Variants in CAMTA1 observed in about 807,000 individuals in gnomAD.
CAMTA1 encodes the protein calmodulin-binding transcription activator 1.
In CAMTA1, 27 loss-of-function variants were observed where a neutral mutation model predicts 170.9. The ratio of observed to expected loss-of-function variants is 0.16; its 90% CI spans 0.12 to 0.22. CAMTA1 has a LOEUF of 0.22. CAMTA1 is among the 10% of genes least tolerant of loss of function. The pLI, the probability that CAMTA1 is intolerant of heterozygous loss-of-function variation, is 1.00. For missense variants in CAMTA1, 1,619 were observed against 2,217.2 expected (o/e 0.73, Z 5.42); for synonymous variants, 833 against 891.5 (o/e 0.93, Z 1.17).
In CAMTA1 at chr1:7,592,735, C is replaced by T. The variant is rs1376659596; in HGVS notation, c.511-47665C>T. ...CACACAGTGTCCTCATGGAGTCAAC[C>T]AGCATCTCCTGCATCCTCTACCTTG... On this transcript the variant is annotated intron_variant, in intron 6 of 22. Transcript: ENST00000303635. This position sits in a 1 kb window ranked among gnomAD's most constrained non-coding sequence, Gnocchi z 4.6. 6.6e-6 allele frequency among the ~76,000 whole-genome samples: 1 copy of T among 152,144 alleles called. No homozygotes were observed. Among genetic ancestry groups the T allele is most frequent in the Non-Finnish European group, 1.5e-5 (1 of 68,028 alleles).
In CAMTA1 at chr1:7,664,697, A is replaced by G. The variant is rs769218017; in HGVS notation, c.2150A>G (p.His717Arg). The change falls in exon 9 of 23, where the codon CAC (histidine) becomes CGC (arginine). Residue 717 changes from histidine (H) to arginine (R), a missense_variant. Coordinates refer to ENST00000303635, the MANE Select transcript of CAMTA1 (RefSeq NM_015215.4). Reference protein sequence around the residue: ...SGELQACSSEHYLQPETNGVI... With the variant: ...SGELQACSSERYLQPETNGVI... ...GAGCTGCAGGCTTGCAGCTCTGAGC[A>G]CTACCTGCAGCCGGAGACCAACGGG... The G allele has an allele frequency of 8.1e-6, 13 of 1,608,276 alleles. No individual in the cohort carries two copies. The highest frequency in any genetic ancestry group is 4.4e-5 in the South Asian group (4 of 90,940).
At chr1:7,629,202 G>A (rs1292811585) in intron 6 of CAMTA1, among the ~76,000 whole-genome samples, 1 of 152,214 alleles carries the variant, frequency 6.6e-6, no homozygotes, top group Non-Finnish European at 1.5e-5. Context: ...CCAGCAGCCT[G>A]CATCCCTGAC....
chr1:6,838,653 A>G (rs1654293652), intron 3 of CAMTA1, among the ~76,000 whole-genome samples: 1 of 152,186 alleles, frequency 6.6e-6, no homozygotes, highest in African/African-American at 2.4e-5. Context: ...TATATTTATT[A>G]ACCCAGAATA....
intron 6 of CAMTA1, among the ~76,000 whole-genome samples, chr1:7,614,188 C>G (rs1162986396): frequency 2.0e-5 from 3 of 152,032 alleles, no homozygotes; most frequent in African/African-American, 7.2e-5. Context: ...AAGGCTCAGG[C>G]TGAGTCCAGG....
intron 3 of CAMTA1, among the ~76,000 whole-genome samples, chr1:6,901,134 CA>C (rs1676845596): frequency 6.6e-6 from 1 of 152,180 alleles, no homozygotes; most frequent in Non-Finnish European, 1.5e-5. Flanking sequence ...AAAGGGAATT[CA>C]ATGGAGAAAG....
intron 4 of CAMTA1, among the ~76,000 whole-genome samples, chr1:7,172,859 C>T (rs1216368417): frequency 6.6e-6 from 1 of 152,234 alleles, no homozygotes; most frequent in Non-Finnish European, 1.5e-5. Flanking sequence ...GATCTCCTCT[C>T]ATGGTGGGTC....
chr1:7,536,316 G>C (rs2094548248), intron 6 of CAMTA1, among the ~76,000 whole-genome samples: 1 of 152,226 alleles, frequency 6.6e-6, no homozygotes, highest in Non-Finnish European at 1.5e-5. Flanking sequence ...AACTGCAACT[G>C]ACTCAGCACT....
At position 7,682,560 on chromosome 1, in the gene CAMTA1, G is replaced by T. The variant is rs2096218414; in HGVS notation, c.2914+4827G>T. ...GGGCCTGTCCCTGGCATGTGGCTGT[G>T]GTCCTGCTGGCCTTTCCTTGTGGGC... On this transcript the variant is annotated intron_variant, in intron 11 of 22. Coordinates refer to ENST00000303635, the MANE Select transcript of CAMTA1 (RefSeq NM_015215.4). This position sits in a 1 kb window ranked among gnomAD's most constrained non-coding sequence, Gnocchi z 5.0. Among the ~76,000 whole-genome samples the T allele has an allele frequency of 3.9e-5, 6 of 152,228 alleles. No individual in the cohort carries two copies. In the South Asian group the frequency reaches 1.2e-3, roughly 31 times the overall value.
At chr1:7,153,194 T>A (rs930253287) in intron 4 of CAMTA1, among the ~76,000 whole-genome samples, 2 of 152,066 alleles carry the variant, frequency 1.3e-5, no homozygotes, top group Non-Finnish European at 2.9e-5. Flanking sequence ...GCAAAAAAAA[T>A]TAGACCTTTA....
intron 3 of CAMTA1, among the ~76,000 whole-genome samples, chr1:7,030,963 T>C (rs990514453): frequency 1.3e-5 from 2 of 150,796 alleles, no homozygotes; most frequent in African/African-American, 2.4e-5. Flanking sequence ...GCCTCCCGAG[T>C]AGCTGGGACT....
At chr1:7,043,235 C>A (rs568654495) in intron 3 of CAMTA1, among the ~76,000 whole-genome samples, 1 of 152,168 alleles carries the variant, frequency 6.6e-6, no homozygotes, top group Admixed American at 6.5e-5. Context: ...CCTCCTCTTT[C>A]CCCCACCCTA....
chr1:6,877,227 G>T (rs1195545364), intron 3 of CAMTA1, among the ~76,000 whole-genome samples: 1 of 152,216 alleles, frequency 6.6e-6, no homozygotes, highest in Non-Finnish European at 1.5e-5. Context: ...ATGATAGAAG[G>T]TTAGGGCAGT....
intron 1 of CAMTA1, among the ~76,000 whole-genome samples, chr1:6,812,974 A>AT (rs751824367): frequency 3.3e-5 from 5 of 152,104 alleles, no homozygotes; most frequent in Non-Finnish European, 7.4e-5. Flanking sequence ...TTACTGTTTC[A>AT]TTTTTTTATT....
chr1:7,751,030 A>T, intron 19 of CAMTA1, 169 bp from the exon 20 acceptor site: 1 of 738,816 alleles, frequency 1.4e-6, no homozygotes, highest in South Asian at 1.4e-5. Flanking sequence ...TTGGAAAGGT[A>T]GGTGTAAAGA....
chr1:7,227,230 A>G (rs1442283417), intron 4 of CAMTA1, among the ~76,000 whole-genome samples: 4 of 152,090 alleles, frequency 2.6e-5, no homozygotes. Context: ...TGTCCGCCCA[A>G]ATTAGTGGGA....
chr1:7,544,302 G>A (rs1410445085), intron 6 of CAMTA1, among the ~76,000 whole-genome samples: 1 of 152,196 alleles, frequency 6.6e-6, no homozygotes, highest in Non-Finnish European at 1.5e-5. Context: ...CAGTATGGGG[G>A]CAACCGCCCC....
chr1:7,494,204 A>C (rs887011117), intron 6 of CAMTA1, among the ~76,000 whole-genome samples: 5 of 151,302 alleles, frequency 3.3e-5, no homozygotes, highest in Non-Finnish European at 5.9e-5. Context: ...AGGGGGAAAA[A>C]TCTGCTTGCT....
chr1:6,871,327 C>G (rs186789665), intron 3 of CAMTA1, among the ~76,000 whole-genome samples: 2 of 152,096 alleles, frequency 1.3e-5, no homozygotes, highest in Non-Finnish European at 2.9e-5. Flanking sequence ...CATTGTTATA[C>G]TAAATGTTCC....
intron 5 of CAMTA1, among the ~76,000 whole-genome samples, chr1:7,428,368 TG>T (rs2091975288): frequency 6.6e-6 from 1 of 151,590 alleles, no homozygotes; most frequent in African/African-American, 2.4e-5. Context: ...ATCTTTGGGG[TG>T]GGGGCTCTGA....
Sources: gnomAD v4.1 joint callset for allele counts (sites outside exome capture counted in the v4.1 genomes callset) on GRCh38, gnomAD v4.1.1 for gene constraint, Gnocchi (gnomAD v3.1) non-coding constraint, MANE v1.5 for transcripts, NCBI Gene and HGNC (gene_info 2026-07-23, HGNC 2026-07-21) for gene names.